Variants in APBB1IP observed in about 807,000 individuals in gnomAD.
APBB1IP encodes the protein amyloid beta precursor protein binding family B member 1 interacting protein.
APBB1IP carries 27 observed loss-of-function variants against 64.9 expected under a neutral mutation model. That is an observed-to-expected ratio of 0.42 (90% CI 0.31 to 0.57). The LOEUF is 0.57. Among genes scored for constraint, APBB1IP ranks in the 20% least tolerant of loss-of-function variants. The probability of loss-of-function intolerance (pLI) is 0.20; values close to 1 mark genes in which losing one functional copy is unlikely to be tolerated. For missense variants in APBB1IP, 812 were observed against 845.5 expected, an observed-to-expected ratio of 0.96 and a Z score of 0.49; for synonymous variants, 392 against 331.0, an observed-to-expected ratio of 1.18 and a Z score of -2.00.
At chr10:26,457,322 T>C (rs180731811) in intron 2 of APBB1IP, among the ~76,000 whole-genome samples, 49 of 152,326 alleles carry the variant, frequency 3.2e-4, no homozygotes, top group Admixed American at 1.8e-3. Context: ...TTTTCTTTTT[T>C]AAGAGACAGG....
At chr10:26,536,985 G>A (rs1212482451) in intron 10 of APBB1IP, among the ~76,000 whole-genome samples, 1 of 152,036 alleles carries the variant, frequency 6.6e-6, no homozygotes, top group Non-Finnish European at 1.5e-5. Flanking sequence ...GGTGTACTCT[G>A]AATTTCCCTT....
At chr10:26,480,038 C>T (rs539073507) in intron 2 of APBB1IP, among the ~76,000 whole-genome samples, 3 of 152,298 alleles carry the variant, frequency 2.0e-5, no homozygotes, top group Non-Finnish European at 4.4e-5. Flanking sequence ...CATCAGTTCC[C>T]ACCACCCTCC....
At chr10:26,558,140 A>AC (rs1836917404) in intron 11 of APBB1IP, among the ~76,000 whole-genome samples, 1 of 148,994 alleles carries the variant, frequency 6.7e-6, no homozygotes, top group Non-Finnish European at 1.5e-5. Context: ...CACACACACA[A>AC]ACACACACAC....
chr10:26,534,122 T>C (rs1442364797), intron 9 of APBB1IP, among the ~76,000 whole-genome samples: 1 of 151,990 alleles, frequency 6.6e-6, no homozygotes, highest in Non-Finnish European at 1.5e-5. Context: ...ACAATTGATT[T>C]TTTGGAAACC....
chr10:26,500,701 A>G, intron 4 of APBB1IP, 118 bp from the exon 5 acceptor site: 3 of 977,698 alleles, frequency 3.1e-6, no homozygotes, highest in Non-Finnish European at 4.5e-6. Flanking sequence ...TTCTCATATC[A>G]TAACCAATCA....
chr10:26,471,428 A>G (rs999669365), intron 2 of APBB1IP, among the ~76,000 whole-genome samples: 5 of 152,200 alleles, frequency 3.3e-5, no homozygotes, highest in South Asian at 2.1e-4. Flanking sequence ...CTTCCAAATA[A>G]CAGAGTGAAA....
chr10:26,562,934 C>G (rs986262968), intron 14 of APBB1IP, among the ~76,000 whole-genome samples: 2 of 152,196 alleles, frequency 1.3e-5, no homozygotes, highest in Non-Finnish European at 2.9e-5. Context: ...TTAAAACCAG[C>G]TATCATCACA....
At chr10:26,473,547 A>G (rs762376825) in intron 2 of APBB1IP, among the ~76,000 whole-genome samples, 3 of 152,236 alleles carry the variant, frequency 2.0e-5, no homozygotes, top group Non-Finnish European at 4.4e-5. Context: ...TCTACCACCA[A>G]TGCAAATAAC....
chr10:26,567,169 C>G lies in APBB1IP; in HGVS notation c.1682C>G (p.Pro561Arg). 1 of 1,418,630 alleles carries G rather than the reference C, an allele frequency of 7.0e-7. No individual in the cohort carries two copies. Among genetic ancestry groups the G allele is most frequent in the Admixed American group, 2.9e-5 (1 of 34,000 alleles). 87.9% of individuals were successfully genotyped at this position (1,418,630 alleles called of 1,614,324 possible). ...TTCCTGCCGCCGCCGCCACCGCCGC[C>G]GCCCCTCGATGACCCTGAGCTCCCG... is the stretch of plus-strand genomic sequence containing the variant. ...DDFLPPPPPP[P>R]PLDDPELPPP... The change falls in exon 15 of 15, where the codon CCG becomes CGG. Residue 561 changes from proline (P) to arginine (R), a missense_variant. By Grantham distance (103) the Pro-to-Arg change is moderately radical (BLOSUM62 -2). Transcript: ENST00000376236.
intron 2 of APBB1IP, among the ~76,000 whole-genome samples, chr10:26,486,095 A>T (rs1196864284): frequency 1.3e-5 from 2 of 152,056 alleles, no homozygotes; most frequent in African/African-American, 4.8e-5. Context: ...ATGTAAAAAA[A>T]TATAAATAAA....
intron 2 of APBB1IP, among the ~76,000 whole-genome samples, chr10:26,476,941 C>T (rs894029786): frequency 2.0e-4 from 30 of 152,262 alleles, no homozygotes; most frequent in African/African-American, 6.7e-4. Flanking sequence ...GCTGGGATTA[C>T]AGGCGTATGC....
chr10:26,457,833 G>A (rs1276937406), intron 2 of APBB1IP, among the ~76,000 whole-genome samples: 1 of 152,152 alleles, frequency 6.6e-6, no homozygotes, highest in African/African-American at 2.4e-5. Context: ...ACAGGAATAA[G>A]TATAATACCA....
At chr10:26,506,784 A>C (rs1836185023) in intron 6 of APBB1IP, among the ~76,000 whole-genome samples, 1 of 152,082 alleles carries the variant, frequency 6.6e-6, no homozygotes, top group Non-Finnish European at 1.5e-5. Flanking sequence ...GAACAAGTCA[A>C]GTGTGGTCCC....
intron 2 of APBB1IP, among the ~76,000 whole-genome samples, chr10:26,478,070 C>T (rs1835795395): frequency 2.0e-5 from 3 of 152,310 alleles, no homozygotes; most frequent in South Asian, 4.1e-4. Context: ...ACCGGGCTTA[C>T]ACCGTAGTTG....
rs766980974 is a variant in APBB1IP, at chr10:26,549,995, A to T, written c.1155+8303A>T. Among the ~76,000 whole-genome samples the T allele has an allele frequency of 2.1e-4, 32 of 151,586 alleles. 1 individual carries two copies. Among genetic ancestry groups the T allele is most frequent in the East Asian group, 3.9e-4 (2 of 5,174 alleles). On this transcript the variant is annotated intron_variant, in intron 11 of 14. Transcript: ENST00000376236. ...AAAGTCTTTATCTCCTTCATTTCTG[A>T]AGAATAGCTTTTCTGGGTACAGTAT...
At position 26,536,820 on chromosome 10, in the gene APBB1IP, T is replaced by G. The variant is rs572235791; in HGVS notation, c.1044+603T>G. On this transcript the variant is annotated intron_variant, in intron 10 of 14. Coordinates refer to ENST00000376236, the MANE Select transcript of APBB1IP (RefSeq NM_019043.4). ...CGGGGTTTCACCATGTTGCTTAGGC[T>G]GGTCTTGAACTCCTGAGCTCAAGCA... 9.3e-5 allele frequency among the ~76,000 whole-genome samples: 14 copies of G among 151,068 alleles called. No individual in the cohort carries two copies. In the East Asian group the frequency reaches 2.6e-3, roughly 28 times the overall value.
chr10:26,442,771 T>A (rs1443477818), intron 2 of APBB1IP, among the ~76,000 whole-genome samples: 1 of 152,202 alleles, frequency 6.6e-6, no homozygotes, highest in Non-Finnish European at 1.5e-5. Flanking sequence ...TACCAAGACA[T>A]TTCCTGGTCT....
At chr10:26,566,935 T>A (rs775628434) in intron 14 of APBB1IP, 26 bp from the exon 15 acceptor site, 131 of 1,536,634 alleles carry the variant, frequency 8.5e-5, no homozygotes, top group African/African-American at 8.2e-4. Context: ...AAAAAAAAAA[T>A]GAATGCTACT....
At chr10:26,439,233 C>T (rs1241331331) in intron 2 of APBB1IP, among the ~76,000 whole-genome samples, 4 of 152,100 alleles carry the variant, frequency 2.6e-5, no homozygotes, top group Non-Finnish European at 4.4e-5. Flanking sequence ...GGTCCGGGAG[C>T]CCCAGTCTCC....
Sources: allele counts gnomAD v4.1 joint callset (sites outside exome capture counted in the v4.1 genomes callset), GRCh38; gene constraint gnomAD v4.1.1; transcripts MANE v1.5; gene names NCBI Gene and HGNC (gene_info 2026-07-23, HGNC 2026-07-21).